The following ZNF564 variants were observed in gnomAD, a reference collection of about 807,000 sequenced individuals.
The protein encoded by ZNF564 is zinc finger protein 564.
A neutral mutation model predicts 10.5 loss-of-function variants in ZNF564; 5 were observed. The ratio of observed to expected loss-of-function variants is 0.48; its 90% CI spans 0.25 to 1.00. ZNF564 has a LOEUF of 1.00. ZNF564 is among the 50% of genes least tolerant of loss of function. ZNF564 has a pLI of 0.16. For synonymous variants in ZNF564, 242 were observed against 218.1 expected (o/e 1.11, Z -0.97); for missense variants, 603 against 669.7 (o/e 0.90, Z 1.10).
intron 1 of ZNF564, 40 bp downstream of exon 1, chr19:12,551,290 C>G: frequency 6.3e-7 from 1 of 1,598,030 alleles, no homozygotes; most frequent in Non-Finnish European, 8.5e-7. Flanking sequence ...TCCCACAAGC[C>G]CCTCCCCCAG....
At chr19:12,550,939 G>GA (rs1221577269) in intron 1 of ZNF564, among the ~76,000 whole-genome samples, 9 of 152,142 alleles carry the variant, frequency 5.9e-5, no homozygotes, top group African/African-American at 1.9e-4. Context: ...CAGTCCCCCG[G>GA]AAAAAAAGAC....
At chr19:12,541,006 C>CA (rs35446725) in intron 1 of ZNF564, among the ~76,000 whole-genome samples, 3,441 of 35,880 alleles carry the variant, frequency 0.096, 139 homozygotes, top group African/African-American at 0.24. Flanking sequence ...GACTCTGTCT[C>CA]AAAAAAAAAA....
chr19:12,548,133 T>C, intron 1 of ZNF564: 3 of 980,116 alleles, frequency 3.1e-6, no homozygotes, highest in South Asian at 4.7e-5. Flanking sequence ...TAAGAAAATA[T>C]CCTGTGTTTG....
chr19:12,532,427 C>T (rs1038329775), intron 1 of ZNF564, among the ~76,000 whole-genome samples: 3 of 145,986 alleles, frequency 2.1e-5, no homozygotes, highest in East Asian at 2.1e-4. Flanking sequence ...CCCAGCTACT[C>T]GGGAGGCTGA....
Position 12,526,255 on chromosome 19 carries a change from C to T in ZNF564, c.*191G>A, listed in dbSNP as rs1277811225. On this transcript the variant is annotated 3_prime_UTR_variant, in exon 4 of 4. Transcript: ENST00000339282. ...ATGCTGAGGCAAAATTCTTCTTCAGCTCCGAACCGGTGAAAACCAAACTAG... is the reference window on the plus strand; with the variant it reads ...ATGCTGAGGCAAAATTCTTCTTCAGTTCCGAACCGGTGAAAACCAAACTAG... The T allele has an allele frequency of 1.8e-6, 1 of 543,500 alleles. No homozygotes were observed. The highest frequency in any genetic ancestry group is 3.1e-6 in the Non-Finnish European group (1 of 319,426). The allele number at this position is 543,500 out of a possible 1,614,324, so 33.7% of individuals were successfully genotyped here.
chr19:12,528,356 AT>A lies in ZNF564; in HGVS notation c.138del (p.Lys46AsnfsTer18). 1 of 1,606,072 alleles carries A rather than the reference AT, an allele frequency of 6.2e-7. No individual in the cohort carries two copies. The highest frequency in any genetic ancestry group is 1.8e-5 in the Admixed American group (1 of 56,588). ...CAATCTTCAATGCTCTGGTCTTCCCATTTTTTTCCTAAAATATAGTCAGAAA... is the reference window on the plus strand; with the variant it reads ...CAATCTTCAATGCTCTGGTCTTCCCATTTTTTCCTAAAATATAGTCAGAAA... The part of the protein sequence containing the change: ...TFRNLACVGK[K>X]WEDQSIEDWY... On this transcript the variant is annotated frameshift_variant, in exon 3 of 4. Transcript: ENST00000339282. LOFTEE classifies it high-confidence loss of function.
At chr19:12,528,063 C>T (rs2021728856) in intron 3 of ZNF564, 147 bp from the exon 4 acceptor site, 1 of 948,946 alleles carries the variant, frequency 1.1e-6, no homozygotes, top group African/African-American at 1.7e-5. Context: ...GAATGCTCTG[C>T]AAGAGAGCTT....
chr19:12,526,674 T>C lies in ZNF564; in HGVS notation c.1434A>G (p.Glu478=), dbSNP rs777063503. ...TGAATGCTTTCCCACATTCTTTACA[T>C]TCATAGGGTTTTTCTCCAGTATGAG... ...ERTHTGEKPY[E]CKECGKAFNY... Residue 478 remains glutamate, a synonymous_variant, in exon 4 of 4, where the codon GAA becomes GAG. Transcript: ENST00000339282. 1.2e-6 allele frequency: 2 copies of C among 1,614,082 alleles called. No individual in the cohort carries two copies. The highest frequency in any genetic ancestry group is 4.5e-5 in the East Asian group (2 of 44,886).
intron 1 of ZNF564, 117 bp downstream of exon 1, chr19:12,551,213 C>A (rs894141811): frequency 4.0e-6 from 5 of 1,241,858 alleles, no homozygotes; most frequent in Middle Eastern, 2.5e-4. Context: ...CGCCAGGGAA[C>A]TCGGGTCCCA....
chr19:12,543,074 G>A (rs1444885155), intron 1 of ZNF564, among the ~76,000 whole-genome samples: 1 of 152,170 alleles, frequency 6.6e-6, no homozygotes, highest in Admixed American at 6.6e-5. Context: ...GCCAAGGCGG[G>A]CAGATCACCC....
intron 1 of ZNF564, among the ~76,000 whole-genome samples, chr19:12,538,647 TA>T (rs2021968294): frequency 1.1e-4 from 16 of 150,230 alleles, no homozygotes; most frequent in African/African-American, 3.4e-4. Flanking sequence ...AAATAAAAAA[TA>T]AAAAAATTTT....
chr19:12,528,843 C>G, intron 1 of ZNF564, 147 bp from the exon 2 acceptor site: 3 of 819,164 alleles, frequency 3.7e-6, no homozygotes, highest in East Asian at 5.8e-5. Flanking sequence ...GCATACAGAT[C>G]ACCTGAGGTC....
chr19:12,543,322 G>C (rs2022092962), intron 1 of ZNF564, among the ~76,000 whole-genome samples: 1 of 127,702 alleles, frequency 7.8e-6, no homozygotes, highest in East Asian at 2.7e-4. Flanking sequence ...AAAAAAGAGA[G>C]AAGGGGAGGG....
intron 1 of ZNF564, chr19:12,550,732 ATACTG>A (rs1244955697): frequency 6.3e-6 from 1 of 157,958 alleles, no homozygotes; most frequent in Non-Finnish European, 1.4e-5. Flanking sequence ...AACAACTAAA[ATACTG>A]TGTCTTAAAT....
Position 12,539,507 on chromosome 19 carries a change from A to C in ZNF564, c.4-10811T>G, listed in dbSNP as rs201329534. Among the ~76,000 whole-genome samples the C allele has an allele frequency of 1.0e-4, 15 of 149,436 alleles. No homozygotes were observed. The East Asian group carries it at 3.0e-3, about 29-fold the overall frequency. ...ACCCCATCTCTAATAAAAATACAAA[A>C]AAAAAAAAAAAAGAGTAGGGCAAGG... is the stretch of plus-strand genomic sequence containing the variant. On this transcript the variant is annotated intron_variant, in intron 1 of 3. Transcript: ENST00000339282.
intron 1 of ZNF564, among the ~76,000 whole-genome samples, chr19:12,546,466 C>T (rs1231895323): frequency 6.6e-6 from 1 of 152,166 alleles, no homozygotes; most frequent in South Asian, 2.1e-4. Context: ...CAGTGGCTCA[C>T]GCCTGTAATC....
intron 1 of ZNF564, among the ~76,000 whole-genome samples, chr19:12,535,625 A>C (rs2021892557): frequency 6.6e-6 from 1 of 152,212 alleles, no homozygotes; most frequent in African/African-American, 2.4e-5. Flanking sequence ...AGTCCAGTGA[A>C]TATACAATAG....
At chr19:12,530,080 A>T (rs2021771758) in intron 1 of ZNF564, 1 of 152,316 alleles carries the variant, frequency 6.6e-6, no homozygotes, top group South Asian at 2.1e-4. Flanking sequence ...ACACTGAAGA[A>T]GTGAAACCAT....
chr19:12,547,387 C>T (rs747047467), intron 1 of ZNF564, among the ~76,000 whole-genome samples: 8 of 152,124 alleles, frequency 5.3e-5, no homozygotes, highest in Non-Finnish European at 1.0e-4. Flanking sequence ...CTCTGGGATG[C>T]TTGCAGATCT....
Sources: allele counts gnomAD v4.1 joint callset (sites outside exome capture counted in the v4.1 genomes callset), GRCh38; gene constraint gnomAD v4.1.1; transcripts MANE v1.5; gene names NCBI Gene and HGNC (gene_info 2026-07-23, HGNC 2026-07-21).